VPS13C: variants seen among roughly 807,000 people sequenced by gnomAD.
VPS13C encodes intermembrane lipid transfer protein VPS13C.
Under a neutral mutation model 456.8 loss-of-function variants are expected in VPS13C, and 358 were observed. The ratio of observed to expected loss-of-function variants is 0.78; its 90% CI spans 0.72 to 0.86. VPS13C has a LOEUF of 0.86. Among genes scored for constraint, VPS13C ranks in the 40% least tolerant of loss-of-function variants. The pLI is 0.00. For missense variants in VPS13C, 4,818 were observed against 4,385.4 expected, an observed-to-expected ratio of 1.10 and a Z score of -2.79; for synonymous variants, 1,578 against 1,486.7, an observed-to-expected ratio of 1.06 and a Z score of -1.41.
intron 47 of VPS13C, among the ~76,000 whole-genome samples, chr15:61,938,219 A>G (rs1332803746): frequency 6.6e-6 from 1 of 151,812 alleles, no homozygotes; most frequent in Non-Finnish European, 1.5e-5. Context: ...CAAGATTACC[A>G]CAGCTTTCTG....
intron 37 of VPS13C, among the ~76,000 whole-genome samples, chr15:61,956,042 A>T (rs1279271435): frequency 1.3e-5 from 2 of 152,158 alleles, no homozygotes; most frequent in Non-Finnish European, 2.9e-5. Flanking sequence ...TCATCACTGC[A>T]CTATTCACAA....
At chr15:61,978,490 GGTTT>G in intron 23 of VPS13C, 132 bp downstream of exon 23, 2 of 1,055,402 alleles carry the variant, frequency 1.9e-6, no homozygotes, top group Non-Finnish European at 2.6e-6. Flanking sequence ...TGTCCTACAT[GGTTT>G]ATTTAAGCAG....
At chr15:61,964,345 G>A (rs1405381935) in intron 31 of VPS13C, among the ~76,000 whole-genome samples, 4 of 151,910 alleles carry the variant, frequency 2.6e-5, no homozygotes, top group African/African-American at 9.7e-5. Context: ...TTGTGTCTCT[G>A]AGCCTTAATT....
intron 18 of VPS13C, among the ~76,000 whole-genome samples, chr15:61,989,031 G>C (rs1419297738): frequency 6.6e-6 from 1 of 151,694 alleles, no homozygotes; most frequent in Non-Finnish European, 1.5e-5. Context: ...AGCCAAAAAG[G>C]AAAAGATTAA....
chr15:62,033,612 C>T, intron 4 of VPS13C, 70 bp from the exon 5 acceptor site: 2 of 1,136,140 alleles, frequency 1.8e-6, no homozygotes, highest in South Asian at 3.1e-5. Context: ...AAAAGTTCAG[C>T]CTCATTAGGA....
At chr15:61,972,540 A>C in intron 27 of VPS13C, 85 bp downstream of exon 27, 1 of 1,451,738 alleles carries the variant, frequency 6.9e-7, no homozygotes, top group South Asian at 1.3e-5. Context: ...TTTTTAATAT[A>C]CTTGACATTT....
rs140753432 is a variant in VPS13C at position 61,916,571 on chromosome 15, T to C, written c.8056-549A>G. Among the ~76,000 whole-genome samples, 900 of 152,276 alleles carry C rather than the reference T, an allele frequency of 5.9e-3. 7 individuals carry two copies. The highest frequency in any genetic ancestry group is 0.021 in the African/African-American group (855 of 41,570). Reference sequence around the variant, plus strand: ...CCTTACATAAATACTATTTAATTCTTATAAAATACTCATATAAATACTATT... The same window carrying C: ...CCTTACATAAATACTATTTAATTCTCATAAAATACTCATATAAATACTATT... On this transcript the variant is annotated intron_variant, in intron 60 of 84. Transcript: ENST00000644861.
chr15:62,012,194 A>C (rs759312848), intron 11 of VPS13C, 30 bp from the exon 12 acceptor site: 8 of 1,300,096 alleles, frequency 6.2e-6, no homozygotes, highest in Non-Finnish European at 8.9e-6. Context: ...GAGAATGAAA[A>C]AGAAAATGCA....
chr15:62,025,839 T>C (rs191020936), intron 6 of VPS13C, among the ~76,000 whole-genome samples: 1 of 152,108 alleles, frequency 6.6e-6, no homozygotes, highest in African/African-American at 2.4e-5. Context: ...TTTATTTATG[T>C]GGGTTATAAC....
intron 32 of VPS13C, 31 bp downstream of exon 32, chr15:61,963,804 C>G (rs748174300): frequency 5.8e-5 from 87 of 1,487,634 alleles, no homozygotes; most frequent in Non-Finnish European, 7.4e-5. Context: ...TTTATCTTTT[C>G]GCCAATTTTC....
At chr15:61,979,753 A>G (rs1204497293) in intron 22 of VPS13C, among the ~76,000 whole-genome samples, 1 of 152,224 alleles carries the variant, frequency 6.6e-6, no homozygotes, top group Non-Finnish European at 1.5e-5. Context: ...ATTAAAGCTG[A>G]GCAAACTTTT....
chr15:61,991,910 G>C lies in VPS13C; in HGVS notation c.1354-108C>G. 3 of 1,157,558 alleles carry C rather than the reference G, an allele frequency of 2.6e-6. No individual in the cohort carries two copies. The South Asian group carries it at 4.8e-5, about 19-fold the overall frequency. The allele number at this position is 1,157,558 out of a possible 1,614,324, so 71.7% of individuals were successfully genotyped here. A position where few individuals can be genotyped will look rare whatever the true frequency, so the allele number is the denominator to read the frequency against. On this transcript the variant is annotated intron_variant, in intron 16 of 84. Coordinates refer to ENST00000644861, the MANE Select transcript of VPS13C (RefSeq NM_020821.3). ...GTTCTTTTTTTTTTTTTAACGCTAC[G>C]TAACATTGCACCAGTCAAGATCTTA...
At chr15:61,982,985 T>G (rs1240426330) in intron 20 of VPS13C, among the ~76,000 whole-genome samples, 2 of 152,160 alleles carry the variant, frequency 1.3e-5, no homozygotes, top group Non-Finnish European at 2.9e-5. Context: ...ATTTAAACTT[T>G]TAAAAAATCA....
intron 6 of VPS13C, among the ~76,000 whole-genome samples, chr15:62,025,924 A>T (rs1047267848): frequency 2.0e-5 from 3 of 151,444 alleles, no homozygotes; most frequent in Admixed American, 1.3e-4. Context: ...ACATAATAAC[A>T]TACAGTTATA....
Position 61,964,866 on chromosome 15 carries a change from A to C in VPS13C, c.3052-5T>G, listed in dbSNP as rs372141774. The C allele has an allele frequency of 2.6e-5, 42 of 1,595,200 alleles. No individual in the cohort carries two copies. The highest frequency in any genetic ancestry group is 3.6e-5 in the Admixed American group (2 of 55,002). On this transcript the variant is annotated splice_region_variant and splice_polypyrimidine_tract_variant and intron_variant, in intron 30 of 84. Transcript: ENST00000644861. Reference sequence around the variant, plus strand: ...ATTTAAAGATGAAAAGGCCACCTAAAAATGTTTTAAAGAGAAAATTAGTTT... The same window carrying C: ...ATTTAAAGATGAAAAGGCCACCTAACAATGTTTTAAAGAGAAAATTAGTTT...
chr15:61,949,291 T>C, intron 42 of VPS13C, 152 bp downstream of exon 42: 2 of 802,672 alleles, frequency 2.5e-6, no homozygotes. Context: ...TGCTCTATAA[T>C]CCCATAGAGA....
intron 51 of VPS13C, 91 bp downstream of exon 51, chr15:61,929,410 C>T (rs1025733489): frequency 7.0e-5 from 103 of 1,470,638 alleles, no homozygotes; most frequent in South Asian, 1.1e-4. Flanking sequence ...ACTAATTTTA[C>T]GTTCTTAAAT....
intron 80 of VPS13C, 25 bp downstream of exon 80, chr15:61,869,475 T>G: frequency 6.2e-7 from 1 of 1,609,916 alleles, no homozygotes; most frequent in Non-Finnish European, 8.5e-7. Flanking sequence ...GACACATACC[T>G]TGCACATAGT....
chr15:61,918,476 T>C (rs150334951), intron 58 of VPS13C, among the ~76,000 whole-genome samples: 1 of 152,148 alleles, frequency 6.6e-6, no homozygotes, highest in Non-Finnish European at 1.5e-5. Flanking sequence ...AAATGCTCCA[T>C]ATATTATAAG....
Sources: allele counts gnomAD v4.1 joint callset (sites outside exome capture counted in the v4.1 genomes callset), GRCh38; gene constraint gnomAD v4.1.1; transcripts MANE v1.5; gene names NCBI Gene and HGNC (gene_info 2026-07-23, HGNC 2026-07-21).